TENM3: variants seen among roughly 807,000 people sequenced by gnomAD.
TENM3 encodes the protein teneurin-3.
Under a neutral mutation model 255.1 loss-of-function variants are expected in TENM3, and 63 were observed. The ratio of observed to expected loss-of-function variants is 0.25; its 90% CI spans 0.20 to 0.30. TENM3 has a LOEUF of 0.30. Among genes scored for constraint, TENM3 ranks in the 10% least tolerant of loss-of-function variants. TENM3 has a pLI of 1.00. For missense variants in TENM3, 2,929 were observed against 3,461.1 expected, an observed-to-expected ratio of 0.85 and a Z score of 3.86; for synonymous variants, 1,306 against 1,322.3, an observed-to-expected ratio of 0.99 and a Z score of 0.27.
At chr4:181,804,112 AG>A in the TENM3 span, among the ~76,000 whole-genome samples, 1 of 116,006 alleles carries the variant, frequency 8.6e-6, no homozygotes, top group Non-Finnish European at 1.7e-5. Flanking sequence ...AGGAAGGAGA[AG>A]GAGGGAGGGA....
chr4:181,506,920 G>T, the TENM3 span, among the ~76,000 whole-genome samples: 2 of 152,128 alleles, frequency 1.3e-5, no homozygotes, highest in African/African-American at 4.8e-5. Flanking sequence ...TGTGATCTCA[G>T]TAACTCTTAT....
At chr4:181,708,896 G>T in the TENM3 span, among the ~76,000 whole-genome samples, 2 of 152,154 alleles carry the variant, frequency 1.3e-5, no homozygotes, top group Non-Finnish European at 2.9e-5. Flanking sequence ...TTGCCAAAAA[G>T]CAAGGATAAT....
At chr4:182,334,324 A>G (rs1763968840) in intron 2 of TENM3, among the ~76,000 whole-genome samples, 1 of 152,194 alleles carries the variant, frequency 6.6e-6, no homozygotes, top group Admixed American at 6.5e-5. Flanking sequence ...TTGGATGGGA[A>G]GATGATACCA....
the TENM3 span, among the ~76,000 whole-genome samples, chr4:181,562,858 A>G: frequency 2.0e-5 from 3 of 152,048 alleles, no homozygotes; most frequent in Non-Finnish European, 4.4e-5. Flanking sequence ...TATTTTTAGT[A>G]TAGGCGGGGT....
At chr4:182,240,682 G>A (rs1003308334), upstream of TENM3, among the ~76,000 whole-genome samples, 3 of 152,174 alleles carry the variant, frequency 2.0e-5, no homozygotes, top group Admixed American at 6.5e-5. Context: ...CGAGAGCAGG[G>A]AAAGGCAGGA....
chr4:182,377,716 G>A (rs1408333327), intron 3 of TENM3, among the ~76,000 whole-genome samples: 1 of 152,152 alleles, frequency 6.6e-6, no homozygotes, highest in Non-Finnish European at 1.5e-5. Flanking sequence ...TCATGATATT[G>A]TTTATATGAT....
intron 10 of TENM3, 26 bp downstream of exon 10, chr4:182,680,763 T>C: frequency 6.8e-7 from 1 of 1,460,640 alleles, no homozygotes; most frequent in Non-Finnish European, 9.2e-7. Flanking sequence ...TTCACAGAAG[T>C]CTGTTGTTAT....
the TENM3 span, among the ~76,000 whole-genome samples, chr4:181,479,157 CATTTA>C: frequency 6.6e-6 from 1 of 152,118 alleles, no homozygotes; most frequent in Non-Finnish European, 1.5e-5. Context: ...CCAATTTTAG[CATTTA>C]ATTTAATATG....
intron 3 of TENM3, among the ~76,000 whole-genome samples, chr4:182,598,015 A>G (rs971081594): frequency 2.6e-5 from 4 of 152,152 alleles, no homozygotes; most frequent in Non-Finnish European, 4.4e-5. Flanking sequence ...CCTTGTCTCT[A>G]CAAAAAATTT....
chr4:181,478,782 A>T, the TENM3 span, among the ~76,000 whole-genome samples: 1 of 152,172 alleles, frequency 6.6e-6, no homozygotes, highest in Non-Finnish European at 1.5e-5. Context: ...GCCATTCCAC[A>T]TGTCCTTTTC....
At chr4:182,533,909 C>CA (rs367957020) in intron 3 of TENM3, among the ~76,000 whole-genome samples, 108 of 143,140 alleles carry the variant, frequency 7.5e-4, no homozygotes, top group Middle Eastern at 6.9e-3. Context: ...ACTCCATCTC[C>CA]AAAAAAAAAA....
intron 3 of TENM3, among the ~76,000 whole-genome samples, chr4:182,573,444 C>T (rs558726341): frequency 2.6e-4 from 40 of 152,240 alleles, no homozygotes; most frequent in African/African-American, 9.6e-4. Context: ...AATCAAATCC[C>T]TCACATCATA....
chr4:182,230,109 C>T (rs1756461017), intron 1 of TENM3, among the ~76,000 whole-genome samples: 1 of 143,124 alleles, frequency 7.0e-6, no homozygotes, highest in African/African-American at 2.6e-5. Context: ...TTCATGTCCG[C>T]TGCTTGCTTG....
chr4:182,437,206 C>T (rs1036163762), intron 3 of TENM3, among the ~76,000 whole-genome samples: 1 of 152,086 alleles, frequency 6.6e-6, no homozygotes, highest in African/African-American at 2.4e-5. Flanking sequence ...AAGAAGTTAA[C>T]ATTTGGAAAT....
At chr4:181,607,684 T>G in the TENM3 span, among the ~76,000 whole-genome samples, 3 of 152,144 alleles carry the variant, frequency 2.0e-5, no homozygotes, top group African/African-American at 7.2e-5. Context: ...ATTACAGGAG[T>G]GAGTCACCGT....
At chr4:181,612,627 T>C in the TENM3 span, among the ~76,000 whole-genome samples, 8 of 152,278 alleles carry the variant, frequency 5.3e-5, no homozygotes, top group East Asian at 1.2e-3. Flanking sequence ...AAACCTTAAG[T>C]AGGAGTATTT....
chr4:181,774,114 C>CA, the TENM3 span, among the ~76,000 whole-genome samples: 134 of 99,220 alleles, frequency 1.4e-3, 2 homozygotes, highest in Middle Eastern at 9.5e-3. Flanking sequence ...GTGCTGCACC[C>CA]ACTAATGTGT....
intron 3 of TENM3, among the ~76,000 whole-genome samples, chr4:182,359,040 G>A (rs1317171674): frequency 6.6e-6 from 1 of 151,164 alleles, no homozygotes; most frequent in Non-Finnish European, 1.5e-5. Context: ...TGCATATATT[G>A]AACCAGCCTT....
chr4:182,161,793 G>GTA (rs1391159500), intron 1 of TENM3, among the ~76,000 whole-genome samples: 8,309 of 39,884 alleles, frequency 0.21, 2,497 homozygotes, highest in Non-Finnish European at 0.26. Context: ...ACAAATATAT[G>GTA]TATATATATA....
Sources: gnomAD v4.1 joint callset for allele counts (sites outside exome capture counted in the v4.1 genomes callset) on GRCh38, gnomAD v4.1.1 for gene constraint, MANE v1.5 for transcripts, NCBI Gene and HGNC (gene_info 2026-07-23, HGNC 2026-07-21) for gene names.